Variants in AMOTL1 observed in about 807,000 individuals in gnomAD.
AMOTL1 encodes angiomotin-like protein 1.
AMOTL1 carries 45 observed loss-of-function variants against 102.9 expected under a neutral mutation model. That is an observed-to-expected ratio of 0.44 (90% CI 0.34 to 0.56). AMOTL1 has a LOEUF of 0.56. Among genes scored for constraint, AMOTL1 ranks in the 20% least tolerant of loss-of-function variants. The probability of loss-of-function intolerance (pLI) is 0.01; values close to 1 mark genes in which losing one functional copy is unlikely to be tolerated. For missense variants in AMOTL1, 1,114 were observed against 1,225.6 expected (o/e 0.91, Z 1.36); for synonymous variants, 481 against 484.7 (o/e 0.99, Z 0.10).
intron 3 of AMOTL1, among the ~76,000 whole-genome samples, chr11:94,820,869 G>T (rs1264240563): frequency 2.0e-5 from 3 of 152,308 alleles, no homozygotes; most frequent in African/African-American, 7.2e-5. Context: ...TAATGCCACT[G>T]CTGATCTGAC....
At chr11:94,785,385 T>C (rs1951169982) in intron 1 of AMOTL1, among the ~76,000 whole-genome samples, 1 of 152,198 alleles carries the variant, frequency 6.6e-6, no homozygotes, top group African/African-American at 2.4e-5. Context: ...GTAACCTCTG[T>C]GAGCTCAGTA....
chr11:94,767,630 G>T (rs1950871259), upstream of AMOTL1, among the ~76,000 whole-genome samples: 1 of 152,226 alleles, frequency 6.6e-6, no homozygotes, highest in African/African-American at 2.4e-5. Context: ...GGGCACCCCA[G>T]ATTAGGGCTC....
chr11:94,710,106 A>G (rs1488965336), intron 1 of AMOTL1, among the ~76,000 whole-genome samples: 1 of 152,120 alleles, frequency 6.6e-6, no homozygotes, highest in African/African-American at 2.4e-5. Context: ...CTCCTCATAC[A>G]AGGCTCTGCT....
At chr11:94,840,735 C>A (rs1952286308) in intron 6 of AMOTL1, among the ~76,000 whole-genome samples, 1 of 149,362 alleles carries the variant, frequency 6.7e-6, no homozygotes. Flanking sequence ...TATGTACACA[C>A]ACATATAATA....
chr11:94,826,167 C>T (rs766249285), intron 4 of AMOTL1, among the ~76,000 whole-genome samples: 20 of 152,220 alleles, frequency 1.3e-4, no homozygotes, highest in Middle Eastern at 3.4e-3. Flanking sequence ...GTGATGCACC[C>T]CTGTAATTCC....
chr11:94,803,820 T>C (rs537039223), intron 3 of AMOTL1, among the ~76,000 whole-genome samples: 57 of 152,356 alleles, frequency 3.7e-4, no homozygotes, highest in African/African-American at 1.3e-3. Context: ...TTCAAAACAT[T>C]TGGGAACTAG....
intron 4 of AMOTL1, among the ~76,000 whole-genome samples, chr11:94,827,932 C>CTT (rs974292784): frequency 6.6e-6 from 1 of 152,082 alleles, no homozygotes; most frequent in Admixed American, 6.6e-5. Context: ...GGCGTGAATG[C>CTT]TTTTTTGGCC....
intron 3 of AMOTL1, among the ~76,000 whole-genome samples, chr11:94,756,356 C>T (rs1950725591): frequency 6.6e-6 from 1 of 152,240 alleles, no homozygotes; most frequent in South Asian, 2.1e-4. Flanking sequence ...CTCTACCCAG[C>T]ACTTCCCTGC....
intron 3 of AMOTL1, among the ~76,000 whole-genome samples, chr11:94,813,253 A>C (rs1951712679): frequency 6.6e-6 from 1 of 152,206 alleles, no homozygotes; most frequent in Non-Finnish European, 1.5e-5. Context: ...GGATACGCAG[A>C]CCTTCATAGA....
chr11:94,831,667 A>G, intron 6 of AMOTL1, 126 bp downstream of exon 6: 1 of 796,790 alleles, frequency 1.3e-6, no homozygotes, highest in Non-Finnish European at 2.0e-6. Flanking sequence ...TTAGCATACA[A>G]CCTATTGATC....
At chr11:94,707,030 C>T (rs111569615) in intron 1 of AMOTL1, among the ~76,000 whole-genome samples, 47 of 152,128 alleles carry the variant, frequency 3.1e-4, no homozygotes, top group Non-Finnish European at 5.7e-4. Context: ...TTTGCTGTTT[C>T]GCTGGTGTGA....
In AMOTL1 at chr11:94,845,701, A is replaced by C. The variant is rs910216793; in HGVS notation, c.1649-4413A>C. Reference sequence around the variant, plus strand: ...CTGCTATGTGAAGGTGCCAAAGTCAAACCAGGTCGGCCTGGCCACACAGCC... The same window carrying C: ...CTGCTATGTGAAGGTGCCAAAGTCACACCAGGTCGGCCTGGCCACACAGCC... On this transcript the variant is annotated intron_variant, in intron 6 of 12. Transcript: ENST00000433060. 2.6e-4 allele frequency among the ~76,000 whole-genome samples: 40 copies of C among 152,230 alleles called. 1 individual carries two copies. The highest frequency in any genetic ancestry group is 5.9e-4 in the Admixed American group (9 of 15,284).
At chr11:94,795,459 T>C (rs1356033839) in intron 2 of AMOTL1, among the ~76,000 whole-genome samples, 1 of 152,188 alleles carries the variant, frequency 6.6e-6, no homozygotes, top group African/African-American at 2.4e-5. Context: ...TACTTTTTTC[T>C]CCCCTTTCTC....
chr11:94,804,626 A>T (rs1951537516), intron 3 of AMOTL1, among the ~76,000 whole-genome samples: 4 of 152,174 alleles, frequency 2.6e-5, no homozygotes, highest in Admixed American at 2.6e-4. Flanking sequence ...ATTTGTTATA[A>T]CTGGCTAGGT....
At position 94,875,086 on chromosome 11, in the gene AMOTL1, A is replaced by G. The variant is rs1953073313; in HGVS notation, c.*4291A>G. 6.6e-6 allele frequency: 1 copy of G among 152,192 alleles called. No individual in the cohort carries two copies. Among genetic ancestry groups the G allele is most frequent in the African/African-American group, 2.4e-5 (1 of 41,430 alleles). The allele number at this position is 152,192 out of a possible 1,614,324, so 9.4% of individuals were successfully genotyped here. A position where few individuals can be genotyped will look rare whatever the true frequency, so the allele number is the denominator to read the frequency against. On this transcript the variant is annotated 3_prime_UTR_variant, in exon 13 of 13. Coordinates refer to ENST00000433060, the MANE Select transcript of AMOTL1 (RefSeq NM_130847.3). ...GCTTCTCCACATCCTAAAACCTGAG[A>G]CAGCCTTGGTATATGCTTTATAAAT...
At chr11:94,786,024 A>T (rs1250296425) in intron 1 of AMOTL1, among the ~76,000 whole-genome samples, 1 of 152,220 alleles carries the variant, frequency 6.6e-6, no homozygotes, top group Admixed American at 6.5e-5. Flanking sequence ...CTATATAGGT[A>T]TAAACAAACA....
chr11:94,730,673 G>GATGA lies in AMOTL1; in HGVS notation c.85+1639_85+1642dup, dbSNP rs559021145. On this transcript the variant is annotated intron_variant, in intron 2 of 4. Coordinates refer to the AMOTL1 transcript ENST00000299004. The stretch of plus-strand genomic sequence containing the variant: ...TGATGGCTGGCTGGCTGTGTGGCTG[G>GATGA]ATGAATGAATGAATGAATGAATGAC... Among the ~76,000 whole-genome samples, 182 of 152,222 alleles carry GATGA rather than the reference G, an allele frequency of 1.2e-3. 1 individual carries two copies. The highest frequency in any genetic ancestry group is 4.1e-3 in the African/African-American group (170 of 41,528).
intron 3 of AMOTL1, among the ~76,000 whole-genome samples, chr11:94,807,060 G>A (rs939952252): frequency 6.6e-6 from 1 of 152,010 alleles, no homozygotes; most frequent in Non-Finnish European, 1.5e-5. Context: ...AAGTAATTAT[G>A]GTTTTTGCCA....
Position 94,875,988 on chromosome 11 carries a change from G to A in AMOTL1, c.*5193G>A, listed in dbSNP as rs1953088582. 6.5e-6 allele frequency: 1 copy of A among 152,688 alleles called. No individual in the cohort carries two copies. Among genetic ancestry groups the A allele is most frequent in the African/African-American group, 2.4e-5 (1 of 41,546 alleles). 9.5% of individuals were successfully genotyped at this position (152,688 alleles called of 1,614,324 possible). On this transcript the variant is annotated 3_prime_UTR_variant, in exon 13 of 13. Coordinates refer to ENST00000433060, the MANE Select transcript of AMOTL1 (RefSeq NM_130847.3). Reference sequence around the variant, plus strand: ...ATTGTCATGTTATGATGTGACTGGGGTGTTTCTTTGTCATGAAACTTTGCT... The same window carrying A: ...ATTGTCATGTTATGATGTGACTGGGATGTTTCTTTGTCATGAAACTTTGCT...
Sources: gnomAD v4.1 joint callset for allele counts (sites outside exome capture counted in the v4.1 genomes callset) on GRCh38, gnomAD v4.1.1 for gene constraint, MANE v1.5 for transcripts, NCBI Gene and HGNC (gene_info 2026-07-23, HGNC 2026-07-21) for gene names.